The following OR5AN1 variants were observed in gnomAD, a reference collection of about 807,000 sequenced individuals.
OR5AN1 encodes the protein olfactory receptor family 5 subfamily AN member 1, also known as olfactory receptor 5AN1.
For synonymous variants in OR5AN1, 167 were observed against 131.8 expected, an observed-to-expected ratio of 1.27 and a Z score of -1.83; for missense variants, 476 against 368.9, an observed-to-expected ratio of 1.29 and a Z score of -2.38.
chr11:59,365,385 G>C lies in OR5AN1; in HGVS notation c.927G>C (p.Lys309Asn), dbSNP rs140118808. 1 of 1,579,258 alleles carries C rather than the reference G, an allele frequency of 6.3e-7. No homozygotes were observed. Among genetic ancestry groups the C allele is most frequent in the African/African-American group, 1.4e-5 (1 of 73,502 alleles). The stretch of plus-strand genomic sequence containing the variant: ...CCTTAAAGAGGTTGCAAAAGAGAAA[G>C]TGCTGCTGAGTTTACAGATTCTGAG... ...KDALKRLQKRKCC is the reference protein window; with the variant it reads ...KDALKRLQKRNCC Residue 309 changes from lysine to asparagine, a missense_variant, in exon 2 of 2, where the codon AAG (lysine) becomes AAC (asparagine). Transcript: ENST00000641998.
rs1857508534 is a variant in OR5AN1 at position 59,365,010 on chromosome 11, A to G, written c.552A>G (p.Gln184=). 6.2e-7 allele frequency: 1 copy of G among 1,614,144 alleles called. No individual in the cohort carries two copies. Among genetic ancestry groups the G allele is most frequent in the Non-Finnish European group, 8.5e-7 (1 of 1,179,998 alleles). ...GACATTTCTTCTGTGACATGCCCCA[A>G]CTGTTAATCTTGTCCTGTACTGACA... ...VIRHFFCDMP[Q]LLILSCTDTF... Residue 184 remains glutamine (Q), a synonymous_variant, in exon 2 of 2, where the codon CAA becomes CAG. Coordinates refer to ENST00000641998, the MANE Select transcript of OR5AN1 (RefSeq NM_001004729.2).
chr11:59,364,725 A>T lies in OR5AN1; in HGVS notation c.267A>T (p.Glu89Asp). The T allele has an allele frequency of 1.9e-6, 3 of 1,614,066 alleles. No homozygotes were observed. The highest frequency in any genetic ancestry group is 2.5e-6 in the Non-Finnish European group (3 of 1,179,944). ...AGATGCTCTCCAACCTCTTACAGGA[A>T]CAGCAAACTATCACTTTTGTTGGTT... ...VPKMLSNLLQ[E>D]QQTITFVGCI... Residue 89 changes from glutamate (E) to aspartate (D), a missense_variant, in exon 2 of 2, where the codon GAA becomes GAT. Glu to Asp is a conservative substitution (Grantham distance 45). Transcript: ENST00000641998.
rs923194409 is a variant in OR5AN1 at position 59,361,312 on chromosome 11, C to G, written c.-14+2040C>G. Among the ~76,000 whole-genome samples the G allele has an allele frequency of 2.0e-5, 3 of 152,122 alleles. No individual in the cohort carries two copies. The East Asian group carries it at 5.8e-4, about 29-fold the overall frequency. On this transcript the variant is annotated intron_variant, in intron 1 of 1. Coordinates refer to ENST00000641998, the MANE Select transcript of OR5AN1 (RefSeq NM_001004729.2). The stretch of plus-strand genomic sequence containing the variant: ...TTTTGTTTTTTGTTTTGAGGAGTCT[C>G]GCTCTGTTGCCCAGGCTGGAGTGCA...
At position 59,371,076 on chromosome 11, in the gene OR5AN1, C is replaced by T. The variant is rs1857590112; in HGVS notation, c.*5682C>T. 1.3e-5 allele frequency: 2 copies of T among 149,582 alleles called. No homozygotes were observed. Among genetic ancestry groups the T allele is most frequent in the East Asian group, 1.9e-4 (1 of 5,146 alleles). 9.3% of individuals were successfully genotyped at this position (149,582 alleles called of 1,614,324 possible). On this transcript the variant is annotated 3_prime_UTR_variant, in exon 2 of 2. Coordinates refer to ENST00000641998, the MANE Select transcript of OR5AN1 (RefSeq NM_001004729.2). ...GTGTGTATGTGGAGTATTCCTTTTTCTTTTAAACAAAGGTAAGACTAGACT... is the reference window on the plus strand; with the variant it reads ...GTGTGTATGTGGAGTATTCCTTTTTTTTTTAAACAAAGGTAAGACTAGACT...
At chr11:59,363,479 G>A (rs1321641794) in intron 1 of OR5AN1, among the ~76,000 whole-genome samples, 2 of 152,132 alleles carry the variant, frequency 1.3e-5, no homozygotes, top group African/African-American at 4.8e-5. Context: ...GGAATGCTTT[G>A]TATTAAGGCT....
chr11:59,364,612 A>G lies in OR5AN1; in HGVS notation c.154A>G (p.Met52Val). 8 of 1,614,074 alleles carry G rather than the reference A, an allele frequency of 5.0e-6. No individual in the cohort carries two copies. The highest frequency in any genetic ancestry group is 6.8e-6 in the Non-Finnish European group (8 of 1,179,970). Reference protein sequence around the residue: ...WNLSLIVLIRMDSHLHTPMYF... With the variant: ...WNLSLIVLIRVDSHLHTPMYF... ...CCTCTCCCTCATTGTTTTAATAAGG[A>G]TGGATTCCCACCTCCATACACCCAT... Residue 52 changes from methionine to valine, a missense_variant, in exon 2 of 2, where the codon ATG (methionine) becomes GTG (valine). Physicochemically the swap from Met to Val is conservative, Grantham distance 21. Coordinates refer to ENST00000641998, the MANE Select transcript of OR5AN1 (RefSeq NM_001004729.2).
rs1857508730 is a variant in OR5AN1, at chr11:59,365,027, G to A, written c.569G>A (p.Cys190Tyr). The change falls in exon 2 of 2, where the codon TGT becomes TAT. Residue 190 changes from cysteine to tyrosine, a missense_variant. Cys to Tyr is a radical substitution (Grantham distance 194). Coordinates refer to ENST00000641998, the MANE Select transcript of OR5AN1 (RefSeq NM_001004729.2). ...CDMPQLLILS[C>Y]TDTFFVQVMT... ...ATGCCCCAACTGTTAATCTTGTCCT[G>A]TACTGACACTTTCTTTGTACAGGTC... is the stretch of plus-strand genomic sequence containing the variant. The A allele has an allele frequency of 6.2e-7, 1 of 1,614,044 alleles. No individual in the cohort carries two copies. The highest frequency in any genetic ancestry group is 8.5e-7 in the Non-Finnish European group (1 of 1,179,970).
chr11:59,359,241 TA>T lies in OR5AN1; in HGVS notation c.-40del, dbSNP rs1857438308. The T allele has an allele frequency of 6.6e-6, 1 of 152,166 alleles. No homozygotes were observed. The highest frequency in any genetic ancestry group is 1.5e-5 in the Non-Finnish European group (1 of 68,026). 9.4% of individuals were successfully genotyped at this position (152,166 alleles called of 1,614,324 possible). On this transcript the variant is annotated 5_prime_UTR_variant, in exon 1 of 2. An upstream open reading frame in the 5' UTR gains an earlier in-frame stop. Coordinates refer to ENST00000641998, the MANE Select transcript of OR5AN1 (RefSeq NM_001004729.2). ...CTCTTACTCCTTACTCAACCTTCTG[TA>T]AAAAGAAAAACCTCAAACATAAAAT...
intron 1 of OR5AN1, among the ~76,000 whole-genome samples, chr11:59,360,290 A>G (rs1307029464): frequency 2.0e-5 from 3 of 152,224 alleles, no homozygotes; most frequent in Non-Finnish European, 4.4e-5. Flanking sequence ...TTGACCAGTT[A>G]TATTCATGTT....
At position 59,370,974 on chromosome 11, in the gene OR5AN1, T is replaced by C. The variant is rs745855447; in HGVS notation, c.*5580T>C. On this transcript the variant is annotated 3_prime_UTR_variant, in exon 2 of 2. Transcript: ENST00000641998. ...GATAACCTCTGTGATAGCTCTAGGC[T>C]GTTATCTTGTAGGCTTTTTCTTTTC... The C allele has an allele frequency of 6.6e-6, 1 of 152,252 alleles. No individual in the cohort carries two copies. The highest frequency in any genetic ancestry group is 1.5e-5 in the Non-Finnish European group (1 of 68,036). The allele number at this position is 152,252 out of a possible 1,614,324, so 9.4% of individuals were successfully genotyped here. A position where few individuals can be genotyped will look rare whatever the true frequency, so the allele number is the denominator to read the frequency against.
chr11:59,363,888 G>C (rs1857492231), intron 1 of OR5AN1, among the ~76,000 whole-genome samples: 1 of 152,206 alleles, frequency 6.6e-6, no homozygotes. Flanking sequence ...TCAGCCTCAG[G>C]AGTAACTGGG....
Position 59,371,387 on chromosome 11 carries a change from A to G in OR5AN1, c.*5993A>G, listed in dbSNP as rs1357374. ...ACCTCTATAGGTCACCACCTTAGGG[A>G]AAAAAAAAGACAAAATAAGGATTGG... On this transcript the variant is annotated 3_prime_UTR_variant, in exon 2 of 2. Coordinates refer to ENST00000641998, the MANE Select transcript of OR5AN1 (RefSeq NM_001004729.2). 102,983 of 151,492 alleles carry G rather than the reference A, an allele frequency of 0.68. 35,111 individuals carry two copies. The highest frequency in any genetic ancestry group is 0.72 in the Admixed American group (10,997 of 15,198). The allele number at this position is 151,492 out of a possible 1,614,324, so 9.4% of individuals were successfully genotyped here.
At position 59,367,996 on chromosome 11, in the gene OR5AN1, A is replaced by G. The variant is rs1457874670; in HGVS notation, c.*2602A>G. 4 of 152,298 alleles carry G rather than the reference A, an allele frequency of 2.6e-5. No individual in the cohort carries two copies. Among genetic ancestry groups the G allele is most frequent in the Non-Finnish European group, 5.9e-5 (4 of 68,112 alleles). 9.4% of individuals were successfully genotyped at this position (152,298 alleles called of 1,614,324 possible). On this transcript the variant is annotated 3_prime_UTR_variant, in exon 2 of 2. Coordinates refer to ENST00000641998, the MANE Select transcript of OR5AN1 (RefSeq NM_001004729.2). The stretch of plus-strand genomic sequence containing the variant: ...ACCCCCAACACAGCACAGCTGTTCT[A>G]CCAAAACGTGGCCAGACTGCTTTTT...
chr11:59,366,378 G>T lies in OR5AN1; in HGVS notation c.*984G>T, dbSNP rs1047884072. On this transcript the variant is annotated 3_prime_UTR_variant, in exon 2 of 2. Transcript: ENST00000641998. ...AAGCTAACCTGCAGTCATGTTCAGA[G>T]AAGTCATGCATTTAAGCCTACTCTA... 6.6e-6 allele frequency: 1 copy of T among 152,198 alleles called. No homozygotes were observed. The highest frequency in any genetic ancestry group is 2.4e-5 in the African/African-American group (1 of 41,450). The allele number at this position is 152,198 out of a possible 1,614,324, so 9.4% of individuals were successfully genotyped here.
chr11:59,365,223 A>G lies in OR5AN1; in HGVS notation c.765A>G (p.Ser255=). The change falls in exon 2 of 2, where the codon TCA becomes TCG. Residue 255 remains serine, a synonymous_variant. Transcript: ENST00000641998. ...HLTAVSLFYT[S]GIFVYLSSSS... ...CAGCTGTTTCCCTCTTCTATACATC[A>G]GGAATCTTTGTCTATTTGAGTTCCA... is the stretch of plus-strand genomic sequence containing the variant. 6.2e-7 allele frequency: 1 copy of G among 1,614,054 alleles called. No homozygotes were observed. Among genetic ancestry groups the G allele is most frequent in the African/African-American group, 1.3e-5 (1 of 75,032 alleles).
At chr11:59,361,607 T>G (rs1477216286) in intron 1 of OR5AN1, among the ~76,000 whole-genome samples, 1 of 152,218 alleles carries the variant, frequency 6.6e-6, no homozygotes, top group Non-Finnish European at 1.5e-5. Flanking sequence ...AAGCCCTTTA[T>G]GTCATTTCCA....
At chr11:59,363,766 T>TTTG (rs199829735) in intron 1 of OR5AN1, among the ~76,000 whole-genome samples, 4 of 152,080 alleles carry the variant, frequency 2.6e-5, no homozygotes, top group Admixed American at 6.6e-5. Context: ...TTTCATAATT[T>TTTG]TTGTTGTTGT....
At chr11:59,364,263 C>T in intron 1 of OR5AN1, 183 bp from the exon 2 acceptor site, 2 of 481,054 alleles carry the variant, frequency 4.2e-6, no homozygotes, top group South Asian at 4.7e-5. Context: ...AATCAAGAAC[C>T]TGAAGCATTG....
chr11:59,364,671 T>A lies in OR5AN1; in HGVS notation c.213T>A (p.Asp71Glu), dbSNP rs763014430. ...TCCTCAGTAACCTGTCCTTCATAGA[T>A]GTCTGCTATATCAGCTCCACAGTCC... ...YFFLSNLSFI[D>E]VCYISSTVPK... Residue 71 changes from aspartate to glutamate, a missense_variant, in exon 2 of 2, where the codon GAT becomes GAA. Asp to Glu is a conservative substitution (Grantham distance 45). Coordinates refer to ENST00000641998, the MANE Select transcript of OR5AN1 (RefSeq NM_001004729.2). 2.5e-6 allele frequency: 4 copies of A among 1,613,878 alleles called. No homozygotes were observed. The highest frequency in any genetic ancestry group is 1.3e-5 in the African/African-American group (1 of 74,940).
Sources: allele counts gnomAD v4.1 joint callset (sites outside exome capture counted in the v4.1 genomes callset), GRCh38; gene constraint gnomAD v4.1.1; transcripts MANE v1.5; gene names NCBI Gene and HGNC (gene_info 2026-07-23, HGNC 2026-07-21).